The following NAALADL2 variants were observed in gnomAD, a reference collection of about 807,000 sequenced individuals.
NAALADL2 encodes the protein N-acetylated alpha-linked acidic dipeptidase like 2.
NAALADL2 carries 76 observed loss-of-function variants against 87.2 expected under a neutral mutation model. The ratio of observed to expected loss-of-function variants is 0.87; its 90% CI spans 0.72 to 1.05. The LOEUF is 1.05. Among genes scored for constraint, NAALADL2 ranks in the 50% least tolerant of loss-of-function variants. The probability of loss-of-function intolerance (pLI) is 0.00; values close to 1 mark genes in which losing one functional copy is unlikely to be tolerated. For missense variants in NAALADL2, 1,089 were observed against 945.8 expected, an observed-to-expected ratio of 1.15 and a Z score of -1.99; for synonymous variants, 354 against 331.0, an observed-to-expected ratio of 1.07 and a Z score of -0.75.
chr3:175,810,047 TATC>T lies in NAALADL2; in HGVS notation c.*6848_*6850del, dbSNP rs1755051106. 1 of 152,074 alleles carries T rather than the reference TATC, an allele frequency of 6.6e-6. No homozygotes were observed. Among genetic ancestry groups the T allele is most frequent in the African/African-American group, 2.4e-5 (1 of 41,432 alleles). 9.4% of individuals were successfully genotyped at this position (152,074 alleles called of 1,614,324 possible). A position where few individuals can be genotyped will look rare whatever the true frequency, so the allele number is the denominator to read the frequency against. On this transcript the variant is annotated 3_prime_UTR_variant, in exon 14 of 14. Transcript: ENST00000454872. The stretch of plus-strand genomic sequence containing the variant: ...TTAGCCTTGTTCAAAATGATTTGAT[TATC>T]ATCTGGATTCAGAAATCTTTTCATT...
At chr3:174,527,103 ATAATGT>A (rs569127946) in intron 1 of NAALADL2, among the ~76,000 whole-genome samples, 90 of 152,342 alleles carry the variant, frequency 5.9e-4, no homozygotes, top group African/African-American at 2.1e-3. Flanking sequence ...GTGAAAAGTC[ATAATGT>A]TTAAGTTGTG....
chr3:175,745,140 C>T (rs1270127457), intron 12 of NAALADL2, among the ~76,000 whole-genome samples: 4 of 152,148 alleles, frequency 2.6e-5, no homozygotes, highest in African/African-American at 4.8e-5. Flanking sequence ...CATTCTCAAC[C>T]GTTCTCACAA....
At chr3:175,017,417 T>G (rs1477936492) in intron 1 of NAALADL2, among the ~76,000 whole-genome samples, 1 of 152,104 alleles carries the variant, frequency 6.6e-6, no homozygotes, top group Non-Finnish European at 1.5e-5. Flanking sequence ...ACCAGGGATT[T>G]GAATCTGTCC....
At chr3:175,423,173 G>A (rs1373741195) in intron 5 of NAALADL2, among the ~76,000 whole-genome samples, 4 of 148,252 alleles carry the variant, frequency 2.7e-5, no homozygotes, top group Non-Finnish European at 6.0e-5. Flanking sequence ...AAGGGAGGGG[G>A]GGGTCTCTTC....
chr3:174,860,137 AAAAG>A (rs1460481424), intron 1 of NAALADL2, among the ~76,000 whole-genome samples: 3 of 152,140 alleles, frequency 2.0e-5, no homozygotes, highest in African/African-American at 4.8e-5. Context: ...TTAAAGAAGA[AAAAG>A]AAAGTAGATA....
At chr3:175,453,142 T>C (rs1331077125) in intron 6 of NAALADL2, among the ~76,000 whole-genome samples, 1 of 152,178 alleles carries the variant, frequency 6.6e-6, no homozygotes, top group Non-Finnish European at 1.5e-5. Flanking sequence ...TTTTACAGCT[T>C]CTTATTTTCT....
At chr3:175,572,615 TAAAAG>T (rs1227569361) in intron 9 of NAALADL2, among the ~76,000 whole-genome samples, 1 of 152,122 alleles carries the variant, frequency 6.6e-6, no homozygotes, top group African/African-American at 2.4e-5. Context: ...ATTATGTACT[TAAAAG>T]AAACCATGGA....
chr3:174,874,945 T>C (rs1432731916), intron 1 of NAALADL2, among the ~76,000 whole-genome samples: 2 of 151,314 alleles, frequency 1.3e-5, no homozygotes, highest in African/African-American at 2.4e-5. Context: ...TGAGACCCTA[T>C]CTTTACAAAA....
intron 1 of NAALADL2, among the ~76,000 whole-genome samples, chr3:174,940,194 A>G (rs1738365229): frequency 6.6e-6 from 1 of 152,120 alleles, no homozygotes; most frequent in Non-Finnish European, 1.5e-5. Context: ...CCTTCGATAT[A>G]GTTTATTGAG....
At chr3:174,492,923 C>T (rs1486226400) in intron 1 of NAALADL2, among the ~76,000 whole-genome samples, 2 of 152,170 alleles carry the variant, frequency 1.3e-5, no homozygotes, top group African/African-American at 4.8e-5. Flanking sequence ...AAAATCAATT[C>T]AGTTATTCTT....
intron 3 of NAALADL2, among the ~76,000 whole-genome samples, chr3:175,244,439 C>G (rs1482045822): frequency 6.6e-6 from 1 of 151,740 alleles, no homozygotes; most frequent in Non-Finnish European, 1.5e-5. Flanking sequence ...AGTCTATGAA[C>G]ATTAAGTCTT....
chr3:174,840,522 A>C (rs1016912212), intron 3 of NAALADL2, among the ~76,000 whole-genome samples: 12 of 152,178 alleles, frequency 7.9e-5, no homozygotes, highest in Admixed American at 3.3e-4. Flanking sequence ...AAATATTTAA[A>C]GTCAAGTTTA....
chr3:174,702,358 T>C (rs1729636185), intron 2 of NAALADL2, among the ~76,000 whole-genome samples: 3 of 152,176 alleles, frequency 2.0e-5, no homozygotes, highest in Non-Finnish European at 4.4e-5. Flanking sequence ...CATTTATTTA[T>C]TAATCTATCT....
chr3:174,702,414 T>G (rs554343648), intron 2 of NAALADL2, among the ~76,000 whole-genome samples: 2 of 152,266 alleles, frequency 1.3e-5, no homozygotes, highest in South Asian at 4.1e-4. Context: ...TTTCAAGCAC[T>G]GGGGATACAT....
rs1560994935 is a variant in NAALADL2, at chr3:175,698,361, GTATATATGTATGTGTATTTATGTATGTA to G, written c.1897-38942_1897-38915del. On this transcript the variant is annotated intron_variant, in intron 11 of 13. Transcript: ENST00000454872. ...TATATGTATGTGTATTTATGTATGT[GTATATATGTATGTGTATTTATGTATGTA>G]TACATATGTATGTGTATTTATGTAT... 1.9e-4 allele frequency among the ~76,000 whole-genome samples: 9 copies of G among 46,200 alleles called. 1 individual carries two copies. Among genetic ancestry groups the G allele is most frequent in the Non-Finnish European group, 2.9e-4 (7 of 24,250 alleles). The allele number at this position is 46,200 out of a possible 152,430, so 30.3% of individuals were successfully genotyped here. A position where few individuals can be genotyped will look rare whatever the true frequency, so the allele number is the denominator to read the frequency against.
chr3:175,461,404 T>G (rs1025713546), intron 6 of NAALADL2, among the ~76,000 whole-genome samples: 2 of 152,168 alleles, frequency 1.3e-5, no homozygotes, highest in Non-Finnish European at 2.9e-5. Context: ...TACAATCCTC[T>G]AGCTAGACAG....
At chr3:175,062,242 A>G (rs1713653547) in intron 1 of NAALADL2, among the ~76,000 whole-genome samples, 1 of 152,158 alleles carries the variant, frequency 6.6e-6, no homozygotes, top group Non-Finnish European at 1.5e-5. Flanking sequence ...TTGGTTAAAC[A>G]ATGTACTTTT....
chr3:174,475,263 A>G (rs1457735328), intron 1 of NAALADL2, among the ~76,000 whole-genome samples: 1 of 151,966 alleles, frequency 6.6e-6, no homozygotes, highest in Non-Finnish European at 1.5e-5. Context: ...AACTGACTTG[A>G]TTAAATAAAA....
At chr3:174,596,974 T>A (rs1251998488) in intron 2 of NAALADL2, among the ~76,000 whole-genome samples, 2 of 152,210 alleles carry the variant, frequency 1.3e-5, no homozygotes, top group Non-Finnish European at 2.9e-5. Context: ...ATTTCTCTAG[T>A]TCAGACCTTC....
Sources: allele counts gnomAD v4.1 joint callset (sites outside exome capture counted in the v4.1 genomes callset), GRCh38; gene constraint gnomAD v4.1.1; transcripts MANE v1.5; gene names NCBI Gene and HGNC (gene_info 2026-07-23, HGNC 2026-07-21).